Variants in PSEN1 observed in about 807,000 individuals in gnomAD.
The protein encoded by PSEN1 is presenilin 1, also known as presenilin-1.
A neutral mutation model predicts 53.5 loss-of-function variants in PSEN1; 15 were observed. The observed-to-expected ratio is 0.28, with a 90% CI of 0.19 to 0.43. The LOEUF (loss-of-function observed/expected upper bound fraction) is 0.43. Among genes scored for constraint, PSEN1 ranks in the 20% least tolerant of loss-of-function variants. PSEN1 has a pLI of 1.00. For missense variants in PSEN1, 387 were observed against 571.2 expected (o/e 0.68, Z 3.29); for synonymous variants, 208 against 209.8 (o/e 0.99, Z 0.08).
At chr14:73,161,702 C>A (rs1239564136) in intron 3 of PSEN1, among the ~76,000 whole-genome samples, 1 of 152,164 alleles carries the variant, frequency 6.6e-6, no homozygotes, top group Non-Finnish European at 1.5e-5. Flanking sequence ...ACCAGGGAAG[C>A]TGGCTGAGCC....
At chr14:73,155,408 T>C (rs1257403583) in intron 3 of PSEN1, among the ~76,000 whole-genome samples, 2 of 152,244 alleles carry the variant, frequency 1.3e-5, no homozygotes, top group Non-Finnish European at 2.9e-5. Context: ...ACCTAGCACA[T>C]ACTTGTTCAA....
intron 4 of PSEN1, among the ~76,000 whole-genome samples, chr14:73,173,109 G>A (rs899852939): frequency 2.6e-5 from 4 of 152,160 alleles, no homozygotes; most frequent in Non-Finnish European, 5.9e-5. Context: ...AGATGGATAT[G>A]TGACATTATC....
chr14:73,140,043 CAA>C (rs1376008058), intron 1 of PSEN1, among the ~76,000 whole-genome samples: 1 of 151,960 alleles, frequency 6.6e-6, no homozygotes, highest in East Asian at 1.9e-4. Context: ...GAATTTTAGA[CAA>C]TGATTTTGAA....
At chr14:73,142,987 C>G (rs1010603511) in intron 1 of PSEN1, among the ~76,000 whole-genome samples, 1 of 152,120 alleles carries the variant, frequency 6.6e-6, no homozygotes, top group Non-Finnish European at 1.5e-5. Flanking sequence ...AATTCGGGTC[C>G]CATGAAAGAT....
intron 6 of PSEN1, among the ~76,000 whole-genome samples, chr14:73,188,179 G>A (rs900265687): frequency 2.0e-5 from 3 of 149,982 alleles, no homozygotes; most frequent in Admixed American, 1.3e-4. Context: ...CGCCCGCCTT[G>A]GCCTCCCAAA....
chr14:73,219,336 C>A lies in PSEN1; in HGVS notation c.*47C>A. ...ATGGATGTTTCTTCTTTGACTATAA[C>A]AAAATCTGGGGAGGACAAAGGTGAT... On this transcript the variant is annotated 3_prime_UTR_variant, in exon 12 of 12. Transcript: ENST00000324501. 1 of 1,569,214 alleles carries A rather than the reference C, an allele frequency of 6.4e-7. No homozygotes were observed. The highest frequency in any genetic ancestry group is 8.8e-7 in the Non-Finnish European group (1 of 1,141,546).
At chr14:73,203,391 GT>G (rs1277487812) in intron 8 of PSEN1, among the ~76,000 whole-genome samples, 6 of 151,924 alleles carry the variant, frequency 3.9e-5, no homozygotes, top group African/African-American at 1.5e-4. Context: ...CCTGGCCTTC[GT>G]TTTGTTTTTT....
Position 73,197,124 on chromosome 14 carries a change from A to G in PSEN1, c.770-907A>G, listed in dbSNP as rs189478517. Among the ~76,000 whole-genome samples the G allele has an allele frequency of 7.5e-3, 1,147 of 152,060 alleles. 10 individuals carry two copies. The highest frequency in any genetic ancestry group is 0.012 in the Non-Finnish European group (820 of 67,958). Reference sequence around the variant, plus strand: ...ATTTTTTGTATTTTTTAGTAGAGACAGGGTTTCACCGTGTTAGCCAGGATG... The same window carrying G: ...ATTTTTTGTATTTTTTAGTAGAGACGGGGTTTCACCGTGTTAGCCAGGATG... On this transcript the variant is annotated intron_variant, in intron 7 of 11. Coordinates refer to ENST00000324501, the MANE Select transcript of PSEN1 (RefSeq NM_000021.4).
At chr14:73,140,204 T>TTC (rs1174985618) in intron 1 of PSEN1, among the ~76,000 whole-genome samples, 1 of 40,600 alleles carries the variant, frequency 2.5e-5, no homozygotes, top group Non-Finnish European at 4.4e-5. Flanking sequence ...TTGCTATTCT[T>TTC]TTTTTTTTTT....
intron 3 of PSEN1, among the ~76,000 whole-genome samples, chr14:73,157,700 TTTTATATAAA>T: frequency 1.3e-5 from 2 of 152,182 alleles, no homozygotes; most frequent in East Asian, 3.9e-4. Flanking sequence ...TATGATACTA[TTTTATATAAA>T]TAGTATCATA....
chr14:73,203,158 A>G (rs1899300804), intron 8 of PSEN1, among the ~76,000 whole-genome samples: 1 of 152,126 alleles, frequency 6.6e-6, no homozygotes, highest in Admixed American at 6.5e-5. Flanking sequence ...GGCTCACTGC[A>G]ACCTCCGCCT....
chr14:73,179,130 A>G (rs1204517176), intron 5 of PSEN1, among the ~76,000 whole-genome samples: 1 of 152,174 alleles, frequency 6.6e-6, no homozygotes, highest in Non-Finnish European at 1.5e-5. Context: ...AGTGGACTTT[A>G]TCTTCCTAAA....
chr14:73,206,306 G>T, intron 8 of PSEN1, 80 bp from the exon 9 acceptor site: 1 of 965,498 alleles, frequency 1.0e-6, no homozygotes, highest in South Asian at 1.3e-5. Flanking sequence ...GGCGATTTGT[G>T]TGGAGAAATG....
intron 8 of PSEN1, among the ~76,000 whole-genome samples, chr14:73,203,541 C>G (rs1302526162): frequency 6.6e-6 from 1 of 152,144 alleles, no homozygotes; most frequent in Non-Finnish European, 1.5e-5. Context: ...AATCAGTCAT[C>G]CTGGCTATTT....
At chr14:73,205,082 T>G (rs566510310) in intron 8 of PSEN1, among the ~76,000 whole-genome samples, 1 of 152,326 alleles carries the variant, frequency 6.6e-6, no homozygotes, top group Admixed American at 6.5e-5. Context: ...ATTGTGTGTT[T>G]CTTTCATAAG....
intron 1 of PSEN1, chr14:73,147,509 G>C (rs362348): frequency 0.016 from 2,701 of 173,848 alleles, 55 homozygotes; most frequent in East Asian, 0.048. Context: ...GGTCAGCATA[G>C]AAAAAGGAAT....
At chr14:73,167,884 A>G (rs1417410800) in intron 3 of PSEN1, 53 of 135,428 alleles carry the variant, frequency 3.9e-4, no homozygotes, top group African/African-American at 1.5e-3. Flanking sequence ...CTCAGTTCTC[A>G]GTTATTTTCC....
At chr14:73,216,707 C>T (rs973075896) in intron 10 of PSEN1, among the ~76,000 whole-genome samples, 3 of 151,060 alleles carry the variant, frequency 2.0e-5, no homozygotes, top group Admixed American at 6.6e-5. Flanking sequence ...TGCAGTGAGC[C>T]GAGATCATGC....
At chr14:73,151,769 G>A (rs903999617) in intron 3 of PSEN1, among the ~76,000 whole-genome samples, 3 of 150,572 alleles carry the variant, frequency 2.0e-5, no homozygotes, top group East Asian at 1.9e-4. Context: ...AGGTTTCACC[G>A]TGTTGCACAG....
Sources: allele counts gnomAD v4.1 joint callset (sites outside exome capture counted in the v4.1 genomes callset), GRCh38; gene constraint gnomAD v4.1.1; transcripts MANE v1.5; gene names NCBI Gene and HGNC (gene_info 2026-07-23, HGNC 2026-07-21).